The following ASTN1 variants were observed in gnomAD, a reference collection of about 807,000 sequenced individuals.
ASTN1 encodes the protein astrotactin 1.
Under a neutral mutation model 140.7 loss-of-function variants are expected in ASTN1, and 41 were observed. The observed-to-expected ratio is 0.29, with a 90% CI of 0.23 to 0.38. ASTN1 has a LOEUF of 0.38. Ranked by LOEUF, ASTN1 falls within the 10% of genes least tolerant of loss-of-function variation. ASTN1 has a pLI of 1.00. For synonymous variants in ASTN1, 640 were observed against 652.2 expected (o/e 0.98, Z 0.29); for missense variants, 1,479 against 1,678.8 (o/e 0.88, Z 2.08).
At chr1:176,877,417 C>G (rs1169889811) in intron 20 of ASTN1, among the ~76,000 whole-genome samples, 1 of 152,208 alleles carries the variant, frequency 6.6e-6, no homozygotes, top group Non-Finnish European at 1.5e-5. Context: ...ATACAGCTCA[C>G]TCTGTTCCTC....
At chr1:177,014,737 G>A in intron 8 of ASTN1, 54 bp downstream of exon 8, 1 of 1,496,046 alleles carries the variant, frequency 6.7e-7, no homozygotes, top group Admixed American at 1.7e-5. Flanking sequence ...CGTCATGTCT[G>A]TGTAAGGAGC....
chr1:177,034,649 C>A (rs1379016010), intron 2 of ASTN1, among the ~76,000 whole-genome samples: 2 of 152,124 alleles, frequency 1.3e-5, no homozygotes, highest in Non-Finnish European at 2.9e-5. Context: ...CATGACTAAG[C>A]CCTGTACCAC....
chr1:177,112,323 G>A (rs1680860300), intron 1 of ASTN1, among the ~76,000 whole-genome samples: 1 of 152,202 alleles, frequency 6.6e-6, no homozygotes, highest in African/African-American at 2.4e-5. Flanking sequence ...AAGGAAGAGG[G>A]AATATGTTGA....
intron 1 of ASTN1, among the ~76,000 whole-genome samples, chr1:177,111,017 C>T (rs1402924796): frequency 6.6e-6 from 1 of 152,216 alleles, no homozygotes; most frequent in African/African-American, 2.4e-5. Context: ...AACCCTCCTA[C>T]AGCTCTTCAA....
At position 176,864,151 on chromosome 1, in the gene ASTN1, T is replaced by A. The variant is rs528148259; in HGVS notation, c.*133A>T. On this transcript the variant is annotated 3_prime_UTR_variant, in exon 23 of 23. Transcript: ENST00000361833. The stretch of plus-strand genomic sequence containing the variant: ...AGTTCTGCAGGGAGCAAGGATCACT[T>A]TCTCCCTGGTTTCGATGTTGCTGTG... 6.7e-7 allele frequency: 1 copy of A among 1,496,922 alleles called. No individual in the cohort carries two copies. Among genetic ancestry groups the A allele is most frequent in the African/African-American group, 1.4e-5 (1 of 71,694 alleles). 92.7% of individuals were successfully genotyped at this position (1,496,922 alleles called of 1,614,324 possible). A position where few individuals can be genotyped will look rare whatever the true frequency, so the allele number is the denominator to read the frequency against.
intron 1 of ASTN1, among the ~76,000 whole-genome samples, chr1:177,148,085 T>C (rs942186748): frequency 7.9e-5 from 12 of 152,156 alleles, no homozygotes; most frequent in African/African-American, 2.9e-4. Context: ...GCATCTTCTT[T>C]ATCATTTACA....
chr1:176,907,677 T>C (rs1296755920), intron 16 of ASTN1, among the ~76,000 whole-genome samples: 5 of 152,176 alleles, frequency 3.3e-5, no homozygotes, highest in Non-Finnish European at 7.3e-5. Context: ...CTGGAGAAGT[T>C]AGAGAAGAAG....
intron 16 of ASTN1, among the ~76,000 whole-genome samples, chr1:176,902,573 T>C (rs1382322131): frequency 3.4e-5 from 5 of 148,374 alleles, no homozygotes; most frequent in African/African-American, 1.2e-4. Flanking sequence ...TGCCAAAAGG[T>C]GTTAGTCAGC....
chr1:176,943,092 G>A (rs544388282), intron 14 of ASTN1, among the ~76,000 whole-genome samples: 5 of 151,716 alleles, frequency 3.3e-5, no homozygotes, highest in East Asian at 3.9e-4. Flanking sequence ...ACAGAGAAAC[G>A]TACAAAGCAA....
chr1:177,026,125 T>C (rs1558040210), intron 5 of ASTN1, among the ~76,000 whole-genome samples: 1 of 152,170 alleles, frequency 6.6e-6, no homozygotes, highest in Non-Finnish European at 1.5e-5. Flanking sequence ...AGGGGAGCAG[T>C]TTCCTCTGGG....
intron 14 of ASTN1, among the ~76,000 whole-genome samples, chr1:176,941,162 T>G (rs1389396486): frequency 6.6e-6 from 1 of 152,222 alleles, no homozygotes; most frequent in African/African-American, 2.4e-5. Flanking sequence ...AGATTCCCTA[T>G]GTAAGTCTAG....
In ASTN1 at chr1:177,049,911, C is replaced by T. The variant is rs189632034; in HGVS notation, c.471+11167G>A. 3.4e-3 allele frequency among the ~76,000 whole-genome samples: 520 copies of T among 152,252 alleles called. 2 individuals are homozygous for T. In the Middle Eastern group the frequency reaches 0.041, roughly 12 times the overall value. On this transcript the variant is annotated intron_variant, in intron 2 of 22. Transcript: ENST00000361833. ...CCACGGAGCATTGAGGAAAGAGGGG[C>T]TGGGGATGGTCACAGCCAGCTGAAA...
chr1:176,895,829 A>G (rs1348577185), intron 16 of ASTN1, among the ~76,000 whole-genome samples: 2 of 152,188 alleles, frequency 1.3e-5, no homozygotes, highest in Non-Finnish European at 2.9e-5. Context: ...TTGCTGACAA[A>G]AAAGCACTGG....
At chr1:177,032,371 C>T in intron 3 of ASTN1, 85 bp downstream of exon 3, 1 of 1,516,470 alleles carries the variant, frequency 6.6e-7, no homozygotes, top group Non-Finnish European at 9.0e-7. Context: ...GGACAACCAG[C>T]TGTTGTCACA....
intron 1 of ASTN1, among the ~76,000 whole-genome samples, chr1:177,108,213 G>A (rs1038134971): frequency 6.6e-6 from 1 of 151,896 alleles, no homozygotes; most frequent in Admixed American, 6.6e-5. Flanking sequence ...GCTGGGCGTG[G>A]TGGTGCACGC....
chr1:176,891,945 C>T (rs184432826), intron 17 of ASTN1, among the ~76,000 whole-genome samples: 14 of 152,246 alleles, frequency 9.2e-5, no homozygotes, highest in Admixed American at 8.5e-4. Flanking sequence ...CTCTTGGCAG[C>T]TGGTGATCTT....
chr1:176,984,168 G>C (rs1673771693), intron 8 of ASTN1, among the ~76,000 whole-genome samples: 1 of 152,224 alleles, frequency 6.6e-6, no homozygotes, highest in Non-Finnish European at 1.5e-5. Flanking sequence ...CATTCTGCAA[G>C]ATGGGGCCTT....
rs71129589 is a variant in ASTN1 at position 176,922,556 on chromosome 1, C to CAAAAAAAAAAAAAAAAAAAAAAA, written c.2671+11573_2671+11595dup. 3.5e-4 allele frequency among the ~76,000 whole-genome samples: 27 copies of CAAAAAAAAAAAAAAAAAAAAAAA among 77,584 alleles called. 1 individual carries two copies. Among genetic ancestry groups the CAAAAAAAAAAAAAAAAAAAAAAA allele is most frequent in the African/African-American group, 1.2e-3 (23 of 19,826 alleles). The allele number at this position is 77,584 out of a possible 152,430, so 50.9% of individuals were successfully genotyped here. On this transcript the variant is annotated intron_variant, in intron 16 of 22. Transcript: ENST00000361833. ...ACAGTGTCCACTCCAGCCCCCACTG[C>CAAAAAAAAAAAAAAAAAAAAAAA]AAAAAAAAAAAAAAAAAAAAAAAAA...
intron 19 of ASTN1, among the ~76,000 whole-genome samples, chr1:176,883,362 A>G (rs1668890034): frequency 6.6e-6 from 1 of 151,638 alleles, no homozygotes; most frequent in Admixed American, 6.6e-5. Flanking sequence ...CCTCCCAAGT[A>G]GCTGAGATTA....
Sources: gnomAD v4.1 joint callset for allele counts (sites outside exome capture counted in the v4.1 genomes callset) on GRCh38, gnomAD v4.1.1 for gene constraint, MANE v1.5 for transcripts, NCBI Gene and HGNC (gene_info 2026-07-23, HGNC 2026-07-21) for gene names.